CEMIP: variants seen among roughly 807,000 people sequenced by gnomAD.
CEMIP encodes the protein cell migration inducing hyaluronidase 1.
Under a neutral mutation model 156.9 loss-of-function variants are expected in CEMIP, and 105 were observed. The observed-to-expected ratio is 0.67, with a 90% CI of 0.57 to 0.79. The LOEUF is 0.79. Ranked by LOEUF, CEMIP falls within the 30% of genes least tolerant of loss-of-function variation. The pLI, the probability that CEMIP is intolerant of heterozygous loss-of-function variation, is 0.00. For missense variants in CEMIP, 1,457 were observed against 1,769.4 expected (o/e 0.82, Z 3.17); for synonymous variants, 676 against 668.4 (o/e 1.01, Z -0.17).
chr15:80,865,192 A>G (rs924214827), intron 1 of CEMIP, among the ~76,000 whole-genome samples: 2 of 151,844 alleles, frequency 1.3e-5, no homozygotes, highest in Non-Finnish European at 2.9e-5. Flanking sequence ...TTTTATTTTT[A>G]TTTTTTTGAG....
rs181149849 is a variant in CEMIP, at chr15:80,918,053, T to C, written c.1798-2041T>C. Among the ~76,000 whole-genome samples the C allele has an allele frequency of 1.4e-3, 218 of 152,218 alleles. 1 individual carries two copies. Among genetic ancestry groups the C allele is most frequent in the Middle Eastern group, 0.01 (3 of 294 alleles). On this transcript the variant is annotated intron_variant, in intron 14 of 29. Transcript: ENST00000394685. ...ACTTTGGGAGGCCGAGGCAGAAGGA[T>C]TGCTTGAGCCCAGGAGTTTGAGACC...
intron 1 of CEMIP, among the ~76,000 whole-genome samples, chr15:80,795,904 T>C (rs1277767382): frequency 6.6e-6 from 1 of 152,190 alleles, no homozygotes; most frequent in African/African-American, 2.4e-5. Context: ...CACTCCAGCC[T>C]GGGTGACAGA....
intron 1 of CEMIP, among the ~76,000 whole-genome samples, chr15:80,832,743 T>C (rs1298405079): frequency 6.6e-6 from 1 of 152,160 alleles, no homozygotes; most frequent in African/African-American, 2.4e-5. Flanking sequence ...CAGGTATCTC[T>C]TAAGGCTTAA....
chr15:80,940,583 C>T (rs1901298083), intron 25 of CEMIP, among the ~76,000 whole-genome samples: 1 of 152,210 alleles, frequency 6.6e-6, no homozygotes, highest in Non-Finnish European at 1.5e-5. Context: ...GCTCTCAGCC[C>T]TGAGCACGAG....
In CEMIP at chr15:80,906,833, A is replaced by G. The variant is rs751903557; in HGVS notation, c.1582A>G (p.Ile528Val). The change falls in exon 13 of 30, where the codon ATC becomes GTC. Residue 528 changes from isoleucine to valine, a missense_variant. By Grantham distance (29) the Ile-to-Val change is conservative (BLOSUM62 3). Transcript: ENST00000394685. This position sits in a 1 kb window ranked among gnomAD's most constrained non-coding sequence, Gnocchi z 4.3. ...TGACTTCGATACCTTTGGGGGCCACATCAAGGTATGTGTCTCTCTGGCAGA... is the reference window on the plus strand; with the variant it reads ...TGACTTCGATACCTTTGGGGGCCACGTCAAGGTATGTGTCTCTCTGGCAGA... ...FFDFDTFGGH[I>V]KFALGFKAAH... The G allele has an allele frequency of 1.9e-6, 3 of 1,612,778 alleles. No homozygotes were observed. The highest frequency in any genetic ancestry group is 2.2e-5 in the East Asian group (1 of 44,854).
intron 14 of CEMIP, 114 bp from the exon 15 acceptor site, chr15:80,919,980 T>A: frequency 1.1e-6 from 1 of 952,012 alleles, no homozygotes. Flanking sequence ...GACTATTTAG[T>A]GTTTGCTGAA....
intron 1 of CEMIP, among the ~76,000 whole-genome samples, chr15:80,819,254 G>T (rs1457229378): frequency 6.6e-6 from 1 of 152,218 alleles, no homozygotes; most frequent in Middle Eastern, 3.2e-3. Flanking sequence ...TGCCATGCCT[G>T]TCAGAGTGTG....
At chr15:80,890,781 A>T (rs982114084) in intron 10 of CEMIP, among the ~76,000 whole-genome samples, 1 of 152,138 alleles carries the variant, frequency 6.6e-6, no homozygotes, top group Non-Finnish European at 1.5e-5. Flanking sequence ...CCTGGGCAGA[A>T]CTTCTACCCT....
intron 1 of CEMIP, among the ~76,000 whole-genome samples, chr15:80,809,100 G>C (rs1162416047): frequency 6.6e-6 from 1 of 152,156 alleles, no homozygotes. Flanking sequence ...CAATTATATT[G>C]AAAGATTTAA....
intron 7 of CEMIP, among the ~76,000 whole-genome samples, chr15:80,886,083 T>G (rs774636111): frequency 6.6e-6 from 1 of 152,176 alleles, no homozygotes; most frequent in Non-Finnish European, 1.5e-5. Flanking sequence ...TCCTGAACTC[T>G]TGGGGGAAGG....
intron 1 of CEMIP, among the ~76,000 whole-genome samples, chr15:80,861,993 GC>G (rs1897997747): frequency 6.6e-6 from 1 of 152,166 alleles, no homozygotes; most frequent in Non-Finnish European, 1.5e-5. Context: ...AGCCCACACT[GC>G]ATTTGCCCAG....
At chr15:80,901,660 C>T (rs1429692523) in intron 12 of CEMIP, among the ~76,000 whole-genome samples, 2 of 151,500 alleles carry the variant, frequency 1.3e-5, no homozygotes, top group African/African-American at 4.9e-5. Context: ...CGAGATCGCA[C>T]CATTGCACTC....
intron 13 of CEMIP, among the ~76,000 whole-genome samples, chr15:80,907,526 A>T (rs1899861006): frequency 6.6e-6 from 1 of 152,218 alleles, no homozygotes; most frequent in South Asian, 2.1e-4. Flanking sequence ...TCACCACTGC[A>T]CTCCAGCCTG....
At chr15:80,928,297 G>A (rs767482668) in intron 19 of CEMIP, among the ~76,000 whole-genome samples, 3 of 152,100 alleles carry the variant, frequency 2.0e-5, no homozygotes, top group Non-Finnish European at 4.4e-5. Context: ...CCCCCCAGAA[G>A]CATGCTCATC....
intron 1 of CEMIP, among the ~76,000 whole-genome samples, chr15:80,812,557 C>T (rs747638610): frequency 4.6e-5 from 7 of 152,252 alleles, no homozygotes; most frequent in East Asian, 1.9e-4. Flanking sequence ...TTTTGTCAAG[C>T]GTAGTAACAC....
intron 21 of CEMIP, 57 bp from the exon 22 acceptor site, chr15:80,931,802 T>TAAC: frequency 6.4e-7 from 1 of 1,558,480 alleles, no homozygotes; most frequent in Non-Finnish European, 8.8e-7. Context: ...CTTACTTCCT[T>TAAC]AACTCCATAG....
intron 1 of CEMIP, among the ~76,000 whole-genome samples, chr15:80,818,041 G>A (rs537573151): frequency 7.2e-5 from 11 of 152,110 alleles, no homozygotes; most frequent in Non-Finnish European, 5.9e-5. Context: ...GAGAGGATCC[G>A]ATGGAATGAC....
chr15:80,806,857 C>G (rs1381747137), intron 1 of CEMIP, among the ~76,000 whole-genome samples: 1 of 152,200 alleles, frequency 6.6e-6, no homozygotes, highest in African/African-American at 2.4e-5. Context: ...AAATTTGCCA[C>G]TTTTAAGCAC....
Position 80,924,601 on chromosome 15 carries a change from T to G in CEMIP, c.2203-20T>G. Reference sequence around the variant, plus strand: ...CCCACAGTAGAAACTAATGTGTCCCTGAATATCTCTTCCCTGCAGGCTGGC... The same window carrying G: ...CCCACAGTAGAAACTAATGTGTCCCGGAATATCTCTTCCCTGCAGGCTGGC... On this transcript the variant is annotated intron_variant, in intron 17 of 29. Coordinates refer to ENST00000394685, the MANE Select transcript of CEMIP (RefSeq NM_001293298.2). 1.9e-6 allele frequency: 3 copies of G among 1,611,090 alleles called. 1 individual carries two copies. The South Asian group carries it at 3.3e-5, about 18-fold the overall frequency.
Sources: gnomAD v4.1 joint callset for allele counts (sites outside exome capture counted in the v4.1 genomes callset) on GRCh38, gnomAD v4.1.1 for gene constraint, Gnocchi (gnomAD v3.1) non-coding constraint, MANE v1.5 for transcripts, NCBI Gene and HGNC (gene_info 2026-07-23, HGNC 2026-07-21) for gene names.